CLCN4: variants seen among roughly 807,000 people sequenced by gnomAD.
CLCN4 encodes the protein H(+)/Cl(-) exchange transporter 4.
Under a neutral mutation model 41.7 loss-of-function variants are expected in CLCN4, and 1 was observed. That is an observed-to-expected ratio of 0.02 (90% CI 0.01 to 0.11). The LOEUF (loss-of-function observed/expected upper bound fraction) is 0.11. Among genes scored for constraint, CLCN4 ranks in the 10% least tolerant of loss-of-function variants. CLCN4 has a pLI of 1.00. For synonymous variants in CLCN4, 277 were observed against 285.8 expected, an observed-to-expected ratio of 0.97 and a Z score of 0.31; for missense variants, 287 against 661.0, an observed-to-expected ratio of 0.43 and a Z score of 6.20.
At chrX:10,168,671 T>C (rs1438055412) in intron 2 of CLCN4, among the ~76,000 whole-genome samples, 1 of 111,310 alleles carries the variant, frequency 9.0e-6, no homozygotes, top group Non-Finnish European at 1.9e-5. Context: ...AAGGTAAGCG[T>C]GCAGCTTGAT....
intron 2 of CLCN4, among the ~76,000 whole-genome samples, chrX:10,181,744 C>A (rs1219964302): frequency 2.7e-5 from 3 of 112,050 alleles, no homozygotes; most frequent in Non-Finnish European, 5.6e-5. Context: ...TAATACCCAA[C>A]CATAAAAAGT....
At chrX:10,186,455 G>A (rs1399873872) in intron 3 of CLCN4, among the ~76,000 whole-genome samples, 3 of 111,624 alleles carry the variant, frequency 2.7e-5, no homozygotes, top group African/African-American at 9.8e-5. Flanking sequence ...TGGAAAGGGT[G>A]TTGTGTAGGG....
intron 3 of CLCN4, among the ~76,000 whole-genome samples, chrX:10,186,831 A>G (rs1923825743): frequency 8.9e-6 from 1 of 111,937 alleles, no homozygotes; most frequent in South Asian, 3.7e-4. Flanking sequence ...CCATATTTTT[A>G]TGACTCCTTT....
intron 4 of CLCN4, 151 bp downstream of exon 4, chrX:10,187,765 A>C: frequency 2.1e-6 from 1 of 466,755 alleles, no homozygotes; most frequent in African/African-American, 2.4e-5. Flanking sequence ...ATCTAAGGGC[A>C]AAATGCATGG....
At chrX:10,178,482 T>G (rs557107441) in intron 2 of CLCN4, among the ~76,000 whole-genome samples, 3 of 111,876 alleles carry the variant, frequency 2.7e-5, no homozygotes, top group African/African-American at 9.7e-5. Flanking sequence ...AGACTCTTCC[T>G]CTAGATCCAA....
chrX:10,185,841 G>A (rs186943477), intron 3 of CLCN4, among the ~76,000 whole-genome samples: 1,514 of 111,765 alleles, frequency 0.014, 27 homozygotes, highest in African/African-American at 0.047. Flanking sequence ...GCAGGGCCAC[G>A]TGGGGAACGG....
At chrX:10,200,133 T>A (rs1461766601) in intron 6 of CLCN4, among the ~76,000 whole-genome samples, 1 of 111,928 alleles carries the variant, frequency 8.9e-6, no homozygotes, top group Non-Finnish European at 1.9e-5. Context: ...GCTCAAGTGA[T>A]CCTCCCGCCT....
At chrX:10,229,633 G>T (rs1025176844) in intron 12 of CLCN4, among the ~76,000 whole-genome samples, 2 of 108,361 alleles carry the variant, frequency 1.8e-5, no homozygotes, top group Non-Finnish European at 3.8e-5. Flanking sequence ...CTATGAGTGA[G>T]AACATGCGGT....
chrX:10,183,832 A>C (rs142482839), intron 2 of CLCN4, among the ~76,000 whole-genome samples: 1,572 of 112,592 alleles, frequency 0.014, 34 homozygotes, highest in African/African-American at 0.048. Context: ...CCCTGGCAGC[A>C]GGAGCCCTTT....
chrX:10,211,621 C>T (rs1266865948), intron 9 of CLCN4, among the ~76,000 whole-genome samples: 1 of 112,311 alleles, frequency 8.9e-6, no homozygotes, highest in Non-Finnish European at 1.9e-5. Context: ...GGTTAAAGTT[C>T]TGCTTCCATC....
intron 6 of CLCN4, among the ~76,000 whole-genome samples, chrX:10,199,726 T>C (rs1924188540): frequency 8.9e-6 from 1 of 112,329 alleles, no homozygotes; most frequent in South Asian, 3.6e-4. Context: ...ATTTGCATTT[T>C]CTTTTTTTCT....
chrX:10,213,032 A>C (rs1364157684), intron 10 of CLCN4, among the ~76,000 whole-genome samples: 2 of 109,009 alleles, frequency 1.8e-5, no homozygotes, highest in East Asian at 6.1e-4. Flanking sequence ...TCTGGGCACA[A>C]TCATCTAACA....
At chrX:10,224,338 G>GTGTGTGT (rs1168856160) in intron 12 of CLCN4, among the ~76,000 whole-genome samples, 12 of 103,541 alleles carry the variant, frequency 1.2e-4, no homozygotes, top group African/African-American at 4.1e-4. Flanking sequence ...GTGTGTATGT[G>GTGTGTGT]AGTGTGTGTG....
chrX:10,171,801 C>G (rs746498886), intron 2 of CLCN4, among the ~76,000 whole-genome samples: 1 of 112,016 alleles, frequency 8.9e-6, no homozygotes, highest in Non-Finnish European at 1.9e-5. Context: ...TCACACAGAA[C>G]ATGCCTACTC....
At chrX:10,185,352 T>C (rs1014029125) in intron 3 of CLCN4, among the ~76,000 whole-genome samples, 176 bp downstream of exon 3, 2 of 111,489 alleles carry the variant, frequency 1.8e-5, no homozygotes, top group Non-Finnish European at 3.8e-5. Context: ...AGCAGGAGCT[T>C]TGGGCAGGAC....
At position 10,158,391 on chromosome X, in the gene CLCN4, C is replaced by T. The variant is rs1061287; in HGVS notation, c.-172C>T. ...TCCCGGGACTTCCAGGGTCTTCCCC[C>T]CACCCCGCGCACACCTCCCTGCCTC... On this transcript the variant is annotated 5_prime_UTR_variant, in exon 2 of 13. Coordinates refer to ENST00000380833, the MANE Select transcript of CLCN4 (RefSeq NM_001830.4). The T allele has an allele frequency of 0.062, 18,271 of 295,960 alleles. 476 individuals are homozygous for T. The highest frequency in any genetic ancestry group is 0.079 in the Non-Finnish European group (13,431 of 169,403). The allele number at this position is 295,960 out of a possible 1,213,427, so 24.4% of individuals were successfully genotyped here.
At chrX:10,175,978 G>C (rs112518144) in intron 2 of CLCN4, among the ~76,000 whole-genome samples, 10 of 84,119 alleles carry the variant, frequency 1.2e-4, no homozygotes, top group South Asian at 7.2e-4. Context: ...CTCTGTGTGT[G>C]TGTGTATGTG....
chrX:10,186,044 G>T (rs1222506313), intron 3 of CLCN4, among the ~76,000 whole-genome samples: 3 of 111,230 alleles, frequency 2.7e-5, no homozygotes, highest in Non-Finnish European at 5.7e-5. Flanking sequence ...CAGGGGAGGT[G>T]CTGGGGCCAG....
At chrX:10,185,488 T>A (rs1215534643) in intron 3 of CLCN4, among the ~76,000 whole-genome samples, 2 of 111,796 alleles carry the variant, frequency 1.8e-5, no homozygotes, top group Admixed American at 1.9e-4. Flanking sequence ...AATGAGATTA[T>A]GTGTATATGA....
Sources: allele counts gnomAD v4.1 joint callset (sites outside exome capture counted in the v4.1 genomes callset), GRCh38; gene constraint gnomAD v4.1.1; transcripts MANE v1.5; gene names NCBI Gene and HGNC (gene_info 2026-07-23, HGNC 2026-07-21).